ARFIP1: variants seen among roughly 807,000 people sequenced by gnomAD.
ARFIP1 encodes the protein arfaptin-1.
A neutral mutation model predicts 42.5 loss-of-function variants in ARFIP1; 24 were observed. The observed-to-expected ratio is 0.57, with a 90% CI of 0.41 to 0.80. The LOEUF is 0.80. Ranked by LOEUF, ARFIP1 falls within the 30% of genes least tolerant of loss-of-function variation. The pLI is 0.00. For synonymous variants in ARFIP1, 141 were observed against 153.7 expected (o/e 0.92, Z 0.61); for missense variants, 354 against 434.0 (o/e 0.82, Z 1.64).
chr4:152,822,296 T>TAAAAAA (rs70949618), intron 1 of ARFIP1, among the ~76,000 whole-genome samples: 161 of 65,314 alleles, frequency 2.5e-3, no homozygotes, highest in East Asian at 4.9e-3. Context: ...GCAACAGCAG[T>TAAAAAA]AAAAAAAAAA....
At chr4:152,818,168 T>C (rs1730059991) in intron 1 of ARFIP1, among the ~76,000 whole-genome samples, 1 of 152,150 alleles carries the variant, frequency 6.6e-6, no homozygotes, top group Non-Finnish European at 1.5e-5. Context: ...CTGTGAACAT[T>C]TTTCCAAGAA....
chr4:152,848,988 T>A (rs1195591535), intron 2 of ARFIP1, among the ~76,000 whole-genome samples: 1 of 152,238 alleles, frequency 6.6e-6, no homozygotes, highest in African/African-American at 2.4e-5. Flanking sequence ...AATATGTATG[T>A]TGATCCCTTT....
At chr4:152,898,332 G>A (rs376122206) in intron 8 of ARFIP1, among the ~76,000 whole-genome samples, 163 of 152,134 alleles carry the variant, frequency 1.1e-3, no homozygotes, top group East Asian at 4.8e-3. Flanking sequence ...ATGACTCAGC[G>A]TTTTCATGTT....
intron 1 of ARFIP1, chr4:152,809,776 TG>T (rs1490303004): frequency 6.6e-6 from 1 of 152,258 alleles, no homozygotes; most frequent in East Asian, 1.9e-4. Context: ...TTACTCTTCA[TG>T]TTACAATGCT....
intron 1 of ARFIP1, chr4:152,796,267 A>G (rs1287262157): frequency 1.9e-6 from 2 of 1,028,192 alleles, no homozygotes; most frequent in African/African-American, 1.6e-5. Context: ...TTGGTAGGCA[A>G]AAGGTGGCTT....
intron 7 of ARFIP1, among the ~76,000 whole-genome samples, chr4:152,884,933 A>G (rs1365961175): frequency 6.6e-6 from 1 of 152,090 alleles, no homozygotes; most frequent in African/African-American, 2.4e-5. Context: ...CTGGTTTCTT[A>G]AGGGAAACCC....
At chr4:152,830,627 A>C (rs1263296265) in intron 2 of ARFIP1, among the ~76,000 whole-genome samples, 1 of 152,194 alleles carries the variant, frequency 6.6e-6, no homozygotes, top group African/African-American at 2.4e-5. Flanking sequence ...TGATAACTTA[A>C]ATCAGGATTT....
chr4:152,818,249 A>G (rs1043822953), intron 1 of ARFIP1, among the ~76,000 whole-genome samples: 1 of 152,230 alleles, frequency 6.6e-6, no homozygotes, highest in African/African-American at 2.4e-5. Flanking sequence ...AGTAGCCTAC[A>G]CCATGAACCC....
intron 8 of ARFIP1, among the ~76,000 whole-genome samples, chr4:152,904,517 G>A (rs975021560): frequency 6.6e-6 from 1 of 151,966 alleles, no homozygotes; most frequent in African/African-American, 2.4e-5. Context: ...AGGCCTGAAT[G>A]CATTAGCTAT....
chr4:152,804,407 A>G (rs1455782690), intron 1 of ARFIP1, among the ~76,000 whole-genome samples: 4 of 105,992 alleles, frequency 3.8e-5, no homozygotes, highest in South Asian at 2.6e-4. Flanking sequence ...TATATAATAT[A>G]ACATGTATTA....
intron 2 of ARFIP1, 37 bp from the exon 3 acceptor site, chr4:152,863,557 ATGTGGGATTTTT>A (rs1253331958): frequency 9.6e-7 from 1 of 1,044,102 alleles, no homozygotes; most frequent in South Asian, 1.3e-5. Flanking sequence ...CTGTTACGTC[ATGTGGGATTTTT>A]TTACAAAGTT....
intron 2 of ARFIP1, among the ~76,000 whole-genome samples, chr4:152,847,081 C>T (rs1732592670): frequency 6.9e-6 from 1 of 144,962 alleles, no homozygotes. Flanking sequence ...CCTTTGCCAG[C>T]AGTTTAGTCA....
chr4:152,781,084 C>A (rs1224379212), intron 1 of ARFIP1, among the ~76,000 whole-genome samples: 1 of 152,072 alleles, frequency 6.6e-6, no homozygotes, highest in Non-Finnish European at 1.5e-5. Context: ...TCCAGAACTT[C>A]GCATAAACTT....
intron 2 of ARFIP1, among the ~76,000 whole-genome samples, chr4:152,837,455 C>T (rs1446275510): frequency 2.0e-5 from 3 of 152,022 alleles, no homozygotes; most frequent in Non-Finnish European, 2.9e-5. Flanking sequence ...TTTGATTTTT[C>T]GATCATGGCC....
intron 1 of ARFIP1, among the ~76,000 whole-genome samples, chr4:152,784,556 G>A (rs1242853650): frequency 1.3e-5 from 2 of 152,180 alleles, no homozygotes; most frequent in East Asian, 3.8e-4. Context: ...TTATTTAAGT[G>A]AATGCTGTTT....
At chr4:152,886,018 G>T (rs1176005578) in intron 7 of ARFIP1, among the ~76,000 whole-genome samples, 1 of 152,018 alleles carries the variant, frequency 6.6e-6, no homozygotes, top group Non-Finnish European at 1.5e-5. Flanking sequence ...AAAAGGCAGA[G>T]AGGTCATTCA....
chr4:152,804,338 ATATATATAATATAACATGTATTATATAT>A (rs1561108857), intron 1 of ARFIP1, among the ~76,000 whole-genome samples: 74 of 23,422 alleles, frequency 3.2e-3, no homozygotes, highest in African/African-American at 8.3e-3. Flanking sequence ...TATATATTTT[ATATATATAATATAACATGTATTATATAT>A]TATATATAAT....
rs752258619 is a variant in ARFIP1, at chr4:152,829,632, C to T, written c.-2C>T. 42 of 1,609,176 alleles carry T rather than the reference C, an allele frequency of 2.6e-5. No individual in the cohort carries two copies. The highest frequency in any genetic ancestry group is 3.3e-4 in the Middle Eastern group (2 of 6,036). ...TTTCTTCTTTTGTTTTAGGAGTCTA[C>T]CATGGCTCAAGAATCTCCCAAAAAT... On this transcript the variant is annotated 5_prime_UTR_variant, in exon 2 of 9. Transcript: ENST00000353617.
intron 1 of ARFIP1, among the ~76,000 whole-genome samples, chr4:152,790,827 A>C (rs1388900976): frequency 2.1e-5 from 3 of 141,450 alleles, no homozygotes; most frequent in African/African-American, 8.1e-5. Context: ...TCTGCCTCCC[A>C]GGTTAAGCGA....
Sources: gnomAD v4.1 joint callset for allele counts (sites outside exome capture counted in the v4.1 genomes callset) on GRCh38, gnomAD v4.1.1 for gene constraint, MANE v1.5 for transcripts, NCBI Gene and HGNC (gene_info 2026-07-23, HGNC 2026-07-21) for gene names.